The following SYNJ2 variants were observed in gnomAD, a reference collection of about 807,000 sequenced individuals.
The protein encoded by SYNJ2 is polyphosphatidylinositol phosphatase SYNJ2.
Under a neutral mutation model 141.3 loss-of-function variants are expected in SYNJ2, and 116 were observed. That is an observed-to-expected ratio of 0.82 (90% CI 0.71 to 0.96). The LOEUF (loss-of-function observed/expected upper bound fraction) is 0.96, where lower values mean the gene tolerates loss of function less well. SYNJ2 is among the 40% of genes least tolerant of loss of function. SYNJ2 has a pLI of 0.00. For missense variants in SYNJ2, 1,873 were observed against 1,934.8 expected (o/e 0.97, Z 0.60); for synonymous variants, 745 against 777.7 (o/e 0.96, Z 0.70).
intron 11 of SYNJ2, among the ~76,000 whole-genome samples, chr6:158,066,239 C>T (rs145188980): frequency 5.8e-4 from 89 of 152,218 alleles, no homozygotes; most frequent in Non-Finnish European, 8.7e-4. Context: ...TATGTTTTCA[C>T]GCCTTTATTG....
At position 158,095,697 on chromosome 6, in the gene SYNJ2, C is replaced by T. The variant is rs747216181; in HGVS notation, c.3824C>T (p.Pro1275Leu). ...IGPPETSVEAPPVVTAPRVPP... is the reference protein window; with the variant it reads ...IGPPETSVEALPVVTAPRVPP... Reference sequence around the variant, plus strand: ...CCCCCGGAGACAAGCGTTGAGGCCCCTCCTGTCGTGACAGCCCCTCGAGTC... The same window carrying T: ...CCCCCGGAGACAAGCGTTGAGGCCCTTCCTGTCGTGACAGCCCCTCGAGTC... Residue 1275 changes from proline to leucine, a missense_variant, in exon 27 of 27, where the codon CCT (proline) becomes CTT (leucine). Physicochemically the swap from Pro to Leu is moderately conservative, Grantham distance 98. Transcript: ENST00000355585. 3.7e-6 allele frequency: 6 copies of T among 1,614,210 alleles called. No individual in the cohort carries two copies. The highest frequency in any genetic ancestry group is 5.1e-6 in the Non-Finnish European group (6 of 1,180,040).
intron 3 of SYNJ2, among the ~76,000 whole-genome samples, chr6:158,031,617 AGC>A (rs1175591040): frequency 4.2e-4 from 53 of 127,186 alleles, no homozygotes; most frequent in African/African-American, 1.7e-3. Context: ...GTTGTGGCGC[AGC>A]GTGAGGTCTG....
Position 157,982,569 on chromosome 6 carries a change from C to A in SYNJ2, c.127+481C>A, listed in dbSNP as rs1284174857. 1.3e-5 allele frequency among the ~76,000 whole-genome samples: 2 copies of A among 152,184 alleles called. No homozygotes were observed. Among genetic ancestry groups the A allele is most frequent in the Non-Finnish European group, 2.9e-5 (2 of 68,022 alleles). On this transcript the variant is annotated intron_variant, in intron 1 of 26. Coordinates refer to ENST00000355585, the MANE Select transcript of SYNJ2 (RefSeq NM_003898.4). This position sits in a 1 kb window ranked among gnomAD's most constrained non-coding sequence, Gnocchi z 4.0. Reference sequence around the variant, plus strand: ...AACCGCTGATGGCAGCTTTGTCCCACGTAAATACTTGGTCGAGAAGCATCG... The same window carrying A: ...AACCGCTGATGGCAGCTTTGTCCCAAGTAAATACTTGGTCGAGAAGCATCG...
chr6:158,093,082 C>G lies in SYNJ2; in HGVS notation c.3722C>G (p.Pro1241Arg). The stretch of plus-strand genomic sequence containing the variant: ...CCCAGAGTTCCTGCCATCAAGAAGC[C>G]AACCTTGAGAAGGACAGGAAAGGTA... Reference protein sequence around the residue: ...PPPRVPAIKKPTLRRTGKPLS... With the variant: ...PPPRVPAIKKRTLRRTGKPLS... The change falls in exon 26 of 27, where the codon CCA (proline) becomes CGA (arginine). Residue 1241 changes from proline (P) to arginine (R), a missense_variant. By Grantham distance (103) the Pro-to-Arg change is moderately radical. Coordinates refer to ENST00000355585, the MANE Select transcript of SYNJ2 (RefSeq NM_003898.4). The G allele has an allele frequency of 6.2e-7, 1 of 1,609,728 alleles. No individual in the cohort carries two copies.
intron 3 of SYNJ2, 45 bp downstream of exon 3, chr6:158,029,071 G>GCAGAGGGTGGGCCCTGGGTCTCCTA (rs1779218727): frequency 6.2e-7 from 1 of 1,603,322 alleles, no homozygotes; most frequent in Admixed American, 1.7e-5. Flanking sequence ...TGGGTCTCCT[G>GCAGAGGGTGGGCCCTGGGTCTCCTA]CAGAGGGTGG....
chr6:158,068,255 A>G (rs73017990), intron 12 of SYNJ2, among the ~76,000 whole-genome samples: 92 of 152,022 alleles, frequency 6.1e-4, no homozygotes, highest in Admixed American at 2.9e-3. Flanking sequence ...GACAGAGGCC[A>G]TGTCCTCCTA....
intron 4 of SYNJ2, among the ~76,000 whole-genome samples, chr6:158,041,797 C>T (rs917839708): frequency 2.6e-5 from 4 of 152,234 alleles, no homozygotes; most frequent in African/African-American, 9.6e-5. Flanking sequence ...CAGCCTCATC[C>T]TCCTGGGCTC....
chr6:158,059,088 C>T (rs1390532983), intron 6 of SYNJ2, among the ~76,000 whole-genome samples, 169 bp from the exon 7 acceptor site: 1 of 152,266 alleles, frequency 6.6e-6, no homozygotes, highest in African/African-American at 2.4e-5. Flanking sequence ...TGCAGGTTCT[C>T]TCCACCCAGG....
Position 157,981,956 on chromosome 6 carries a change from A to G in SYNJ2, c.-6A>G. 8.1e-7 allele frequency: 1 copy of G among 1,231,666 alleles called. No individual in the cohort carries two copies. Among genetic ancestry groups the G allele is most frequent in the South Asian group, 3.9e-5 (1 of 25,604 alleles). The allele number at this position is 1,231,666 out of a possible 1,614,324, so 76.3% of individuals were successfully genotyped here. A position where few individuals can be genotyped will look rare whatever the true frequency, so the allele number is the denominator to read the frequency against. ...CCGGCCCCCGCCCGCAGTGGGCCCG[A>G]CCCTCATGGCCCTGAGCAAAGGGCT... On this transcript the variant is annotated 5_prime_UTR_variant, in exon 1 of 27. Coordinates refer to ENST00000355585, the MANE Select transcript of SYNJ2 (RefSeq NM_003898.4). This position sits in a 1 kb window ranked among gnomAD's most constrained non-coding sequence, Gnocchi z 6.4.
At position 158,062,007 on chromosome 6, in the gene SYNJ2, TC is replaced by T; in HGVS notation, c.971del (p.Ser324PhefsTer9). 6.2e-7 allele frequency: 1 copy of T among 1,614,054 alleles called. No homozygotes were observed. Among genetic ancestry groups the T allele is most frequent in the Non-Finnish European group, 8.5e-7 (1 of 1,179,998 alleles). ...CTCTTTTCAGAAGCTGCTCTGGGCT[TC>T]TTGCCACGCGGGCGACACGCCTATG... The part of the protein sequence containing the change: ...NRAFKKLLWA[S>X]CHAGDTPMIN... On this transcript the variant is annotated frameshift_variant, in exon 8 of 27. Coordinates refer to ENST00000355585, the MANE Select transcript of SYNJ2 (RefSeq NM_003898.4). LOFTEE classifies it high-confidence loss of function.
At chr6:158,056,972 G>A (rs77753469) in intron 6 of SYNJ2, among the ~76,000 whole-genome samples, 1 of 152,050 alleles carries the variant, frequency 6.6e-6, no homozygotes, top group African/African-American at 2.4e-5. Context: ...TGTCATCTCT[G>A]TGTGGTGATG....
At chr6:157,994,700 C>T (rs1038587210) in intron 1 of SYNJ2, among the ~76,000 whole-genome samples, 2 of 152,228 alleles carry the variant, frequency 1.3e-5, no homozygotes, top group African/African-American at 2.4e-5. Flanking sequence ...GCATCTGCCA[C>T]GCCCTCCAGG....
chr6:158,076,615 T>C lies in SYNJ2; in HGVS notation c.2293-11T>C. On this transcript the variant is annotated splice_polypyrimidine_tract_variant and intron_variant, in intron 16 of 26. Transcript: ENST00000355585. ...CTACGGTGGCCTGATGACTTCTTTT[T>C]CTCCCAATAGATTTTTAAGGACTTT... 6.2e-7 allele frequency: 1 copy of C among 1,607,996 alleles called. No individual in the cohort carries two copies. Among genetic ancestry groups the C allele is most frequent in the South Asian group, 1.1e-5 (1 of 90,838 alleles).
In SYNJ2 at chr6:158,081,191, T is replaced by A; in HGVS notation, c.2650T>A (p.Phe884Ile). 1.2e-6 allele frequency: 2 copies of A among 1,614,138 alleles called. No homozygotes were observed. The highest frequency in any genetic ancestry group is 1.7e-6 in the Non-Finnish European group (2 of 1,180,012). The change falls in exon 19 of 27, where the codon TTC (phenylalanine) becomes ATC (isoleucine). Residue 884 changes from phenylalanine to isoleucine, a missense_variant. Physicochemically the swap from Phe to Ile is conservative, Grantham distance 21. Transcript: ENST00000355585. Reference protein sequence around the residue: ...RERVFQEVSSFQGPLDATVVV... With the variant: ...RERVFQEVSSIQGPLDATVVV... ...GAGGGTTTTCCAGGAAGTGTCCTCC[T>A]TCCAGGGCCCCCTGGATGCCACTGT...
At chr6:158,061,824 T>C (rs1781239391) in intron 7 of SYNJ2, among the ~76,000 whole-genome samples, 168 bp from the exon 8 acceptor site, 1 of 152,230 alleles carries the variant, frequency 6.6e-6, no homozygotes, top group Non-Finnish European at 1.5e-5. Context: ...CTTTGTCCTG[T>C]GCTTCCCTTT....
At chr6:157,995,482 C>A (rs1777604200) in intron 1 of SYNJ2, among the ~76,000 whole-genome samples, 1 of 152,250 alleles carries the variant, frequency 6.6e-6, no homozygotes, top group Admixed American at 6.5e-5. Context: ...CTTCTGAACA[C>A]TCCTAAGGTA....
chr6:157,997,006 C>T (rs1458561418), intron 1 of SYNJ2, among the ~76,000 whole-genome samples: 1 of 151,730 alleles, frequency 6.6e-6, no homozygotes, highest in Non-Finnish European at 1.5e-5. Flanking sequence ...CTGCTGCTGC[C>T]TCCGTCTCCC....
chr6:158,046,147 C>T (rs1236504218), intron 5 of SYNJ2, among the ~76,000 whole-genome samples: 3 of 152,130 alleles, frequency 2.0e-5, no homozygotes, highest in East Asian at 1.9e-4. Context: ...GGTTTCATCA[C>T]GTTGACCAGG....
At chr6:158,034,452 G>A (rs1359307753) in intron 4 of SYNJ2, among the ~76,000 whole-genome samples, 1 of 152,214 alleles carries the variant, frequency 6.6e-6, no homozygotes. Flanking sequence ...TGCTGGGAGA[G>A]GAATGCCTTA....
Sources: allele counts gnomAD v4.1 joint callset (sites outside exome capture counted in the v4.1 genomes callset), GRCh38; gene constraint gnomAD v4.1.1; non-coding constraint Gnocchi (gnomAD v3.1); transcripts MANE v1.5; gene names NCBI Gene and HGNC (gene_info 2026-07-23, HGNC 2026-07-21).